The following THSD7B variants were observed in gnomAD, a reference collection of about 807,000 sequenced individuals.
The protein encoded by THSD7B is thrombospondin type 1 domain containing 7B, also known as thrombospondin type-1 domain-containing protein 7B.
Under a neutral mutation model 213.6 loss-of-function variants are expected in THSD7B, and 138 were observed. The ratio of observed to expected loss-of-function variants is 0.65; its 90% CI spans 0.56 to 0.74. The LOEUF (loss-of-function observed/expected upper bound fraction) is 0.74. THSD7B is among the 30% of genes least tolerant of loss of function. THSD7B has a pLI of 0.00. For missense variants in THSD7B, 1,931 were observed against 1,991.5 expected (o/e 0.97, Z 0.58); for synonymous variants, 742 against 687.0 (o/e 1.08, Z -1.25).
intron 10 of THSD7B, among the ~76,000 whole-genome samples, chr2:137,265,087 T>C (rs1250746022): frequency 6.6e-6 from 1 of 152,164 alleles, no homozygotes; most frequent in Non-Finnish European, 1.5e-5. Context: ...GTTTGGTTTT[T>C]TGTTCTTGCG....
Position 136,767,480 on chromosome 2 carries a change from T to TG in THSD7B, c.-36+1793_-36+1794insG, listed in dbSNP as rs1553447347. 9.7e-3 allele frequency among the ~76,000 whole-genome samples: 757 copies of TG among 78,106 alleles called. 6 individuals carry two copies. Among genetic ancestry groups the TG allele is most frequent in the African/African-American group, 0.025 (701 of 27,864 alleles). 51.2% of individuals were successfully genotyped at this position (78,106 alleles called of 152,430 possible). ...AAGTGTGTGTGTGTGTGTGTGTGTGTTGTGTGTATTTGTGTGTGTGTGTTT... is the reference window on the plus strand; with the variant it reads ...AAGTGTGTGTGTGTGTGTGTGTGTGTGTGTGTGTATTTGTGTGTGTGTGTTT... On this transcript the variant is annotated intron_variant, in intron 1 of 27. Coordinates refer to ENST00000409968, the MANE Select transcript of THSD7B (RefSeq NM_001316349.2).
At chr2:137,521,569 C>T (rs2105167225) in intron 15 of THSD7B, among the ~76,000 whole-genome samples, 1 of 152,280 alleles carries the variant, frequency 6.6e-6, no homozygotes, top group South Asian at 2.1e-4. Context: ...TCATCTCTCA[C>T]TGGTGGGCTT....
At chr2:137,184,848 G>T (rs575324228) in intron 7 of THSD7B, among the ~76,000 whole-genome samples, 1 of 152,226 alleles carries the variant, frequency 6.6e-6, no homozygotes, top group African/African-American at 2.4e-5. Context: ...TTTGAAATTT[G>T]TTTGGAAGTG....
chr2:137,574,637 G>C (rs1384737196), intron 17 of THSD7B, among the ~76,000 whole-genome samples: 2 of 152,098 alleles, frequency 1.3e-5, no homozygotes, highest in Non-Finnish European at 2.9e-5. Flanking sequence ...CTTTTCAGAT[G>C]CTATGCTGTA....
chr2:137,617,416 T>G (rs983498111), intron 18 of THSD7B, among the ~76,000 whole-genome samples: 1 of 152,196 alleles, frequency 6.6e-6, no homozygotes, highest in African/African-American at 2.4e-5. Flanking sequence ...TTGGGATAAT[T>G]TATTCTAATT....
At position 136,972,661 on chromosome 2, in the gene THSD7B, A is replaced by T. The variant is rs1211761900; in HGVS notation, c.140-83759A>T. Among the ~76,000 whole-genome samples, 20 of 152,320 alleles carry T rather than the reference A, an allele frequency of 1.3e-4. No individual in the cohort carries two copies. In the East Asian group the frequency reaches 3.7e-3, roughly 28 times the overall value. ...AAGGGCGATCGTTGGTTCATTTAAT[A>T]TACTTTAGACACACTTATAAACATT... On this transcript the variant is annotated intron_variant, in intron 2 of 27. Transcript: ENST00000409968.
chr2:137,203,469 T>G (rs1680919003), intron 7 of THSD7B, among the ~76,000 whole-genome samples: 1 of 152,160 alleles, frequency 6.6e-6, no homozygotes, highest in Non-Finnish European at 1.5e-5. Flanking sequence ...ATTTTACTTA[T>G]TTATTTACAT....
intron 15 of THSD7B, among the ~76,000 whole-genome samples, chr2:137,554,216 T>C (rs965086298): frequency 6.6e-6 from 1 of 152,160 alleles, no homozygotes; most frequent in African/African-American, 2.4e-5. Context: ...CTCTAGAGAA[T>C]TAAGTGAGGA....
chr2:137,558,295 A>T (rs1681027631), intron 15 of THSD7B, among the ~76,000 whole-genome samples: 1 of 152,234 alleles, frequency 6.6e-6, no homozygotes, highest in African/African-American at 2.4e-5. Context: ...CCTGATGAAC[A>T]TCGATGCAAA....
intron 7 of THSD7B, among the ~76,000 whole-genome samples, chr2:137,227,950 G>T (rs1470748418): frequency 6.6e-6 from 1 of 151,854 alleles, no homozygotes; most frequent in Non-Finnish European, 1.5e-5. Flanking sequence ...TATGTATGTT[G>T]AATAAATGAA....
intron 5 of THSD7B, among the ~76,000 whole-genome samples, chr2:137,148,137 G>C (rs1272755532): frequency 1.3e-5 from 2 of 152,104 alleles, no homozygotes; most frequent in African/African-American, 4.8e-5. Context: ...TCTCATGATA[G>C]TGAGTGAGTT....
chr2:137,074,870 T>C (rs1687584068), intron 3 of THSD7B, among the ~76,000 whole-genome samples: 1 of 152,210 alleles, frequency 6.6e-6, no homozygotes, highest in African/African-American at 2.4e-5. Context: ...GATATGAAAT[T>C]CTGGGTTGAA....
intron 1 of THSD7B, among the ~76,000 whole-genome samples, chr2:136,820,969 G>C (rs367728546): frequency 6.6e-6 from 1 of 152,112 alleles, no homozygotes; most frequent in Non-Finnish European, 1.5e-5. Context: ...GGGTAAATGA[G>C]AATCCATTGC....
intron 12 of THSD7B, among the ~76,000 whole-genome samples, chr2:137,290,314 C>T (rs1683296270): frequency 6.6e-6 from 1 of 152,060 alleles, no homozygotes; most frequent in African/African-American, 2.4e-5. Context: ...TGGTCTCGAT[C>T]TCCTGACCTC....
At chr2:137,366,494 G>A (rs1293817272) in intron 12 of THSD7B, among the ~76,000 whole-genome samples, 1 of 151,940 alleles carries the variant, frequency 6.6e-6, no homozygotes, top group African/African-American at 2.4e-5. Context: ...GATCAAATAA[G>A]AGAATATCTG....
chr2:136,954,714 C>CAA (rs11378111), intron 2 of THSD7B, among the ~76,000 whole-genome samples: 3,988 of 88,562 alleles, frequency 0.045, 219 homozygotes, highest in Non-Finnish European at 0.062. Context: ...GACTCTGTCT[C>CAA]AAAAAAAAAA....
rs115642389 is a variant in THSD7B at position 137,192,315 on chromosome 2, G to A, written c.1723+21377G>A. ...AACCTCCAAGTATATTATAGTATAG[G>A]CAGTGAACAAGGTGCACATAGAAAG... On this transcript the variant is annotated intron_variant, in intron 7 of 27. Coordinates refer to ENST00000409968, the MANE Select transcript of THSD7B (RefSeq NM_001316349.2). Among the ~76,000 whole-genome samples the A allele has an allele frequency of 2.6e-3, 389 of 152,204 alleles. 1 individual carries two copies. The highest frequency in any genetic ancestry group is 9.1e-3 in the African/African-American group (379 of 41,520).
intron 2 of THSD7B, among the ~76,000 whole-genome samples, chr2:136,921,046 C>T (rs990518892): frequency 1.3e-5 from 2 of 151,936 alleles, no homozygotes; most frequent in Admixed American, 6.6e-5. Context: ...CATCAGCACC[C>T]GGGAGTGCGG....
intron 2 of THSD7B, among the ~76,000 whole-genome samples, chr2:136,921,659 A>G (rs1457526092): frequency 6.6e-6 from 1 of 152,176 alleles, no homozygotes; most frequent in Non-Finnish European, 1.5e-5. Flanking sequence ...GGTGTTTTAG[A>G]TTGTTAACAT....
Sources: gnomAD v4.1 joint callset for allele counts (sites outside exome capture counted in the v4.1 genomes callset) on GRCh38, gnomAD v4.1.1 for gene constraint, MANE v1.5 for transcripts, NCBI Gene and HGNC (gene_info 2026-07-23, HGNC 2026-07-21) for gene names.